The following SPON2 variants were observed in gnomAD, a reference collection of about 807,000 sequenced individuals.
The protein encoded by SPON2 is spondin 2, also known as spondin-2.
SPON2 carries 32 observed loss-of-function variants against 29.9 expected under a neutral mutation model. That is an observed-to-expected ratio of 1.07 (90% CI 0.81 to 1.44). The LOEUF (loss-of-function observed/expected upper bound fraction) is 1.44, where lower values mean the gene tolerates loss of function less well. Ranked by LOEUF, SPON2 falls within the 40% of genes most tolerant of loss-of-function variation. SPON2 has a pLI of 0.00. For synonymous variants in SPON2, 248 were observed against 209.1 expected (o/e 1.19, Z -1.61); for missense variants, 541 against 455.5 (o/e 1.19, Z -1.71).
chr4:1,170,365 G>T, intron 5 of SPON2, 37 bp downstream of exon 5: 1 of 1,592,810 alleles, frequency 6.3e-7, no homozygotes, highest in Non-Finnish European at 8.5e-7. Context: ...AGGGTTCGGG[G>T]CTGCTGTGTG....
In SPON2 at chr4:1,171,395, C is replaced by T. The variant is rs1218073429; in HGVS notation, c.312G>A (p.Trp104Ter). The change falls in exon 3 of 6, where the codon TGG becomes TGA. Residue 104 changes from tryptophan to a stop codon, truncating the protein, a stop_gained. Coordinates refer to ENST00000290902, the MANE Select transcript of SPON2 (RefSeq NM_012445.4). LOFTEE classifies it high-confidence loss of function. ...LRDFAERGEA[W>*]ALMKEIEAAG... ...CCGCCTCGATCTCCTTCATCAGCGCCCAGGCCTCGCCGCGCTCCGCAAAGT... is the reference window on the plus strand; with the variant it reads ...CCGCCTCGATCTCCTTCATCAGCGCTCAGGCCTCGCCGCGCTCCGCAAAGT... The T allele has an allele frequency of 6.2e-7, 1 of 1,612,322 alleles. No homozygotes were observed. Among genetic ancestry groups the T allele is most frequent in the East Asian group, 2.2e-5 (1 of 44,868 alleles).
intron 1 of SPON2, 63 bp downstream of exon 1, chr4:1,172,481 C>A: frequency 3.9e-6 from 1 of 257,592 alleles, no homozygotes; most frequent in South Asian, 4.7e-5. Flanking sequence ...AGGTTCTGGG[C>A]CGCGGGGAAA....
At chr4:1,170,634 C>A in intron 4 of SPON2, 58 bp from the exon 5 acceptor site, 1 of 1,544,784 alleles carries the variant, frequency 6.5e-7, no homozygotes. Flanking sequence ...TTCTGGTATG[C>A]GTATGGCCTC....
At chr4:1,195,464 T>G (rs1160278484), upstream of SPON2, among the ~76,000 whole-genome samples, 1 of 150,756 alleles carries the variant, frequency 6.6e-6, no homozygotes, top group Non-Finnish European at 1.5e-5. Flanking sequence ...CTCGGCCCCT[T>G]GGAGGCTGCC....
chr4:1,168,139 T>A (rs531336371), intron 5 of SPON2: 1 of 158,542 alleles, frequency 6.3e-6, no homozygotes, highest in Admixed American at 6.5e-5. Context: ...CTGTGTCCCA[T>A]CTGGTTCCAT....
At chr4:1,196,300 G>C (rs1228090374), upstream of SPON2, among the ~76,000 whole-genome samples, 1 of 152,240 alleles carries the variant, frequency 6.6e-6, no homozygotes, top group Admixed American at 6.5e-5. Context: ...TCAAGAAGGT[G>C]ACTGTGCCTC....
At position 1,170,378 on chromosome 4, in the gene SPON2, C is replaced by G. The variant is rs534495940; in HGVS notation, c.811+24G>C. 11 of 1,602,740 alleles carry G rather than the reference C, an allele frequency of 6.9e-6. No individual in the cohort carries two copies. The African/African-American group carries it at 1.3e-4, about 20-fold the overall frequency. ...GCAGGGTTCGGGGCTGCTGTGTGTC[C>G]CATGTGACCTGTATGTCCGTTACCT... is the stretch of plus-strand genomic sequence containing the variant. On this transcript the variant is annotated intron_variant, in intron 5 of 5. Transcript: ENST00000290902.
intron 1 of SPON2, among the ~76,000 whole-genome samples, chr4:1,180,026 G>GA (rs1560205935): frequency 1.3e-5 from 2 of 151,944 alleles, no homozygotes; most frequent in Non-Finnish European, 2.9e-5. Context: ...GGGGAGCTTT[G>GA]AAAAAATCCA....
chr4:1,177,125 G>A (rs1017503814), upstream of SPON2, among the ~76,000 whole-genome samples: 3 of 152,246 alleles, frequency 2.0e-5, no homozygotes, highest in East Asian at 5.8e-4. Context: ...CCCCAAGGTG[G>A]TTTTCAGGAG....
In SPON2 at chr4:1,167,228, G is replaced by A. The variant is rs1727264361; in HGVS notation, c.*244C>T. On this transcript the variant is annotated 3_prime_UTR_variant, in exon 6 of 6. Coordinates refer to ENST00000290902, the MANE Select transcript of SPON2 (RefSeq NM_012445.4). ...ATGACTTTATCCTGCAGGAGGAGGAGGCTGAGAGCAGACGGGACACGGGGG... is the reference window on the plus strand; with the variant it reads ...ATGACTTTATCCTGCAGGAGGAGGAAGCTGAGAGCAGACGGGACACGGGGG... The A allele has an allele frequency of 4.1e-6, 2 of 486,806 alleles. No individual in the cohort carries two copies. The highest frequency in any genetic ancestry group is 2.0e-5 in the African/African-American group (1 of 51,108). 30.2% of individuals were successfully genotyped at this position (486,806 alleles called of 1,614,324 possible).
At chr4:1,180,160 G>C (rs2153078314) in intron 1 of SPON2, among the ~76,000 whole-genome samples, 1 of 152,192 alleles carries the variant, frequency 6.6e-6, no homozygotes, top group African/African-American at 2.4e-5. Context: ...GGAAGTGAGG[G>C]CTACTGCAGA....
intron 1 of SPON2, among the ~76,000 whole-genome samples, chr4:1,185,241 CT>C (rs2108660258): frequency 6.6e-6 from 1 of 151,552 alleles, no homozygotes; most frequent in Non-Finnish European, 1.5e-5. Context: ...TGGCTAATTT[CT>C]TTTTTGTATT....
exon 1 of SPON2, chr4:1,195,048 CCA>C (rs1427024359): frequency 1.6e-4 from 18 of 113,082 alleles, no homozygotes; most frequent in South Asian, 2.8e-4. Context: ...GCCGGCGGCT[CCA>C]ACCCCGCAGC....
Position 1,167,647 on chromosome 4 carries a change from G to A in SPON2, c.821C>T (p.Thr274Met), listed in dbSNP as rs751939946. ...EIVDSASVPETPLDCEVSLWS... is the reference protein window; with the variant it reads ...EIVDSASVPEMPLDCEVSLWS... Reference sequence around the variant, plus strand: ...CAGGGAGACCTCGCAGTCCAGCGGCGTTTCTGGAACTGGACCAAGCAAAGG... The same window carrying A: ...CAGGGAGACCTCGCAGTCCAGCGGCATTTCTGGAACTGGACCAAGCAAAGG... The change falls in exon 6 of 6, where the codon ACG becomes ATG. Residue 274 changes from threonine (T) to methionine (M), a missense_variant. Physicochemically the swap from Thr to Met is moderately conservative, Grantham distance 81 (BLOSUM62 -1). Coordinates refer to ENST00000290902, the MANE Select transcript of SPON2 (RefSeq NM_012445.4). The A allele has an allele frequency of 6.2e-7, 1 of 1,605,992 alleles. No individual in the cohort carries two copies. The highest frequency in any genetic ancestry group is 1.3e-5 in the African/African-American group (1 of 74,896).
chr4:1,195,027 CCA>C (rs1357962121), exon 1 of SPON2: 9 of 114,578 alleles, frequency 7.9e-5, no homozygotes, highest in East Asian at 4.9e-4. Context: ...GCCGGCGGCT[CCA>C]ACCCCGCAGC....
chr4:1,178,052 T>G (rs574435958), upstream of SPON2, among the ~76,000 whole-genome samples: 3 of 150,138 alleles, frequency 2.0e-5, no homozygotes, highest in East Asian at 5.8e-4. Context: ...CCACGGGCTC[T>G]GCACACACTG....
At chr4:1,170,956 C>T (rs1275359749) in intron 4 of SPON2, 43 bp downstream of exon 4, 4 of 1,545,636 alleles carry the variant, frequency 2.6e-6, no homozygotes, top group African/African-American at 1.4e-5. Context: ...GTCCCCACCG[C>T]GGGGGCCATA....
chr4:1,167,728 T>G, intron 5 of SPON2, 72 bp from the exon 6 acceptor site: 3 of 1,481,384 alleles, frequency 2.0e-6, no homozygotes, highest in African/African-American at 1.4e-5. Context: ...GGAAGCCACC[T>G]CCCACCAACG....
chr4:1,168,412 T>A (rs975929548), intron 5 of SPON2, among the ~76,000 whole-genome samples: 1 of 152,130 alleles, frequency 6.6e-6, no homozygotes. Flanking sequence ...TGCTGCCAGC[T>A]TTGTGGCTAC....
Sources: gnomAD v4.1 joint callset for allele counts (sites outside exome capture counted in the v4.1 genomes callset) on GRCh38, gnomAD v4.1.1 for gene constraint, MANE v1.5 for transcripts, NCBI Gene and HGNC (gene_info 2026-07-23, HGNC 2026-07-21) for gene names.